The following REC114 variants were observed in gnomAD, a reference collection of about 807,000 sequenced individuals.
The protein encoded by REC114 is REC114 meiotic recombination protein.
A neutral mutation model predicts 31.3 loss-of-function variants in REC114; 27 were observed. The ratio of observed to expected loss-of-function variants is 0.86; its 90% CI spans 0.64 to 1.19. REC114 has a LOEUF of 1.19. Among genes scored for constraint, REC114 ranks in the 50% most tolerant of loss-of-function variants. The pLI is 0.00. For synonymous variants in REC114, 134 were observed against 127.7 expected, an observed-to-expected ratio of 1.05 and a Z score of -0.33; for missense variants, 344 against 326.9, an observed-to-expected ratio of 1.05 and a Z score of -0.40.
chr15:73,519,260 T>C (rs1893903531), intron 2 of REC114, among the ~76,000 whole-genome samples: 1 of 152,156 alleles, frequency 6.6e-6, no homozygotes, highest in African/African-American at 2.4e-5. Context: ...AATGCCCTTA[T>C]AAAAGAGACC....
intron 2 of REC114, among the ~76,000 whole-genome samples, chr15:73,486,025 T>C (rs752669929): frequency 5.3e-5 from 8 of 152,228 alleles, no homozygotes; most frequent in African/African-American, 9.6e-5. Context: ...TCAGCTCTTA[T>C]GCAATACTTG....
chr15:73,443,350 G>T lies in REC114; in HGVS notation c.159+6G>T. The stretch of plus-strand genomic sequence containing the variant: ...CCCCCTGCCCCACATGGAAGGTGAG[G>T]CCCGAAGGCAGGAATATCCCTGAGG... On this transcript the variant is annotated splice_donor_region_variant and intron_variant, in intron 1 of 5. Transcript: ENST00000331090. The T allele has an allele frequency of 6.4e-7, 1 of 1,564,074 alleles. No individual in the cohort carries two copies.
At chr15:73,513,477 G>A (rs1409746212) in intron 2 of REC114, among the ~76,000 whole-genome samples, 5 of 148,756 alleles carry the variant, frequency 3.4e-5, no homozygotes, top group South Asian at 2.2e-4. Flanking sequence ...GCTTTGTTCC[G>A]TTGCTGGTGA....
chr15:73,513,700 T>A (rs1427804089), intron 2 of REC114, among the ~76,000 whole-genome samples: 1 of 152,086 alleles, frequency 6.6e-6, no homozygotes, highest in Admixed American at 6.6e-5. Flanking sequence ...TGGAATACCC[T>A]GCCTTGTGAG....
intron 2 of REC114, among the ~76,000 whole-genome samples, chr15:73,500,922 TG>T (rs1232861278): frequency 1.3e-5 from 2 of 152,100 alleles, no homozygotes; most frequent in African/African-American, 4.8e-5. Context: ...CAGCCTGTGA[TG>T]GGCCCACTTT....
chr15:73,516,032 G>A (rs1396907120), intron 2 of REC114, among the ~76,000 whole-genome samples: 1 of 151,638 alleles, frequency 6.6e-6, no homozygotes, highest in East Asian at 1.9e-4. Context: ...TGTCACCCAG[G>A]CTGGAGTGCA....
intron 4 of REC114, among the ~76,000 whole-genome samples, chr15:73,555,111 A>G (rs572471028): frequency 6.6e-6 from 1 of 152,000 alleles, no homozygotes; most frequent in African/African-American, 2.4e-5. Flanking sequence ...TGATGCTTCC[A>G]GGTCTGGTTT....
chr15:73,482,200 C>T (rs150611649), intron 2 of REC114, among the ~76,000 whole-genome samples: 347 of 152,224 alleles, frequency 2.3e-3, no homozygotes, highest in African/African-American at 8.1e-3. Flanking sequence ...GGATGTTTGT[C>T]CCCTCCAAAT....
chr15:73,558,460 C>T (rs1894509109), intron 5 of REC114, among the ~76,000 whole-genome samples: 1 of 152,102 alleles, frequency 6.6e-6, no homozygotes, highest in African/African-American at 2.4e-5. Context: ...TTGAACTCTC[C>T]TAATATTTAA....
chr15:73,528,997 C>G (rs1894041015), intron 2 of REC114, among the ~76,000 whole-genome samples: 1 of 152,020 alleles, frequency 6.6e-6, no homozygotes. Context: ...GTTTAAAAAA[C>G]CAAGATCATC....
intron 2 of REC114, among the ~76,000 whole-genome samples, chr15:73,504,299 G>A (rs911320797): frequency 3.3e-5 from 5 of 151,870 alleles, no homozygotes; most frequent in African/African-American, 9.7e-5. Context: ...CACTGCGCCC[G>A]GCCTGAAATA....
chr15:73,517,778 G>C (rs1260661840), intron 2 of REC114, among the ~76,000 whole-genome samples: 2 of 152,196 alleles, frequency 1.3e-5, no homozygotes, highest in African/African-American at 4.8e-5. Flanking sequence ...GTCAGAGAAG[G>C]CTGTGCTAGA....
chr15:73,520,653 T>A (rs1034857723), intron 2 of REC114, among the ~76,000 whole-genome samples: 5 of 152,222 alleles, frequency 3.3e-5, no homozygotes, highest in African/African-American at 1.2e-4. Flanking sequence ...GCCCTGGATA[T>A]GCCTCTGAAC....
intron 1 of REC114, among the ~76,000 whole-genome samples, chr15:73,468,881 A>G (rs56383084): frequency 0.025 from 3,766 of 151,922 alleles, 93 homozygotes; most frequent in African/African-American, 0.059. Flanking sequence ...AATATTTCTG[A>G]TTTCCCTTTT....
chr15:73,523,423 A>G (rs995794595), intron 2 of REC114, among the ~76,000 whole-genome samples: 1 of 152,190 alleles, frequency 6.6e-6, no homozygotes, highest in South Asian at 2.1e-4. Context: ...GTTTGAACAC[A>G]CAGCAGTGAA....
chr15:73,539,376 C>T (rs1393572281), intron 2 of REC114, among the ~76,000 whole-genome samples: 1 of 146,046 alleles, frequency 6.8e-6, no homozygotes, highest in Non-Finnish European at 1.5e-5. Flanking sequence ...CTGCAACCTC[C>T]GCCTCCTGGG....
At chr15:73,532,207 T>G (rs1257836278) in intron 2 of REC114, among the ~76,000 whole-genome samples, 2 of 151,534 alleles carry the variant, frequency 1.3e-5, no homozygotes, top group African/African-American at 4.9e-5. Context: ...ATTGTTCAGT[T>G]CCCACCTATG....
rs1171527588 is a variant in REC114, at chr15:73,517,530, G to A, written c.250-22955G>A. ...GTGTTTTAGAAGTGAGGGGGGGAAA[G>A]AGAAGTGAAGGAAAACTTTGAAGTT... On this transcript the variant is annotated intron_variant, in intron 2 of 5. Transcript: ENST00000331090. 3.3e-5 allele frequency among the ~76,000 whole-genome samples: 5 copies of A among 152,264 alleles called. No homozygotes were observed. In the East Asian group the frequency reaches 9.6e-4, roughly 29 times the overall value.
intron 1 of REC114, among the ~76,000 whole-genome samples, chr15:73,453,627 C>T (rs1044575492): frequency 3.2e-4 from 49 of 152,100 alleles, no homozygotes; most frequent in Middle Eastern, 6.8e-3. Flanking sequence ...GGGTATATAC[C>T]CAAAGGATTA....
Sources: gnomAD v4.1 joint callset for allele counts (sites outside exome capture counted in the v4.1 genomes callset) on GRCh38, gnomAD v4.1.1 for gene constraint, MANE v1.5 for transcripts, NCBI Gene and HGNC (gene_info 2026-07-23, HGNC 2026-07-21) for gene names.